The following SAMD12 variants were observed in gnomAD, a reference collection of about 807,000 sequenced individuals.
SAMD12 encodes sterile alpha motif domain-containing protein 12.
A neutral mutation model predicts 15.0 loss-of-function variants in SAMD12; 9 were observed. The observed-to-expected ratio is 0.60, with a 90% CI of 0.36 to 1.05. SAMD12 has a LOEUF of 1.05. SAMD12 is among the 50% of genes least tolerant of loss of function. The probability of loss-of-function intolerance (pLI) is 0.01; values close to 1 mark genes in which losing one functional copy is unlikely to be tolerated. For missense variants in SAMD12, 230 were observed against 234.2 expected, an observed-to-expected ratio of 0.98 and a Z score of 0.12; for synonymous variants, 86 against 90.1, an observed-to-expected ratio of 0.96 and a Z score of 0.25.
intron 4 of SAMD12, among the ~76,000 whole-genome samples, chr8:118,223,409 G>A (rs371888674): frequency 2.0e-5 from 3 of 152,304 alleles, no homozygotes; most frequent in South Asian, 4.1e-4. Flanking sequence ...GACTCACTGA[G>A]CAACCATGAG....
chr8:118,580,834 T>G lies in SAMD12; in HGVS notation c.73A>C (p.Lys25Gln). 6.2e-7 allele frequency: 1 copy of G among 1,613,364 alleles called. No homozygotes were observed. The highest frequency in any genetic ancestry group is 2.2e-5 in the East Asian group (1 of 44,854). ...IDHPAHAEGI[K>Q]LQIEGEGVES... is the part of the protein sequence containing the mutation. ...ACACCTTCACCTTCAATTTGCAGTT[T>G]AATACCTTCAGCATGGGCAGGGTGA... Residue 25 changes from lysine to glutamine, a missense_variant, in exon 2 of 4, where the codon AAA becomes CAA. Physicochemically the swap from Lys to Gln is moderately conservative, Grantham distance 53. Transcript: ENST00000314727.
At chr8:118,559,329 T>C (rs546711122) in intron 2 of SAMD12, among the ~76,000 whole-genome samples, 1 of 152,368 alleles carries the variant, frequency 6.6e-6, no homozygotes, top group African/African-American at 2.4e-5. Flanking sequence ...TGAGAGTTCC[T>C]ATTTTATGCA....
intron 1 of SAMD12, among the ~76,000 whole-genome samples, chr8:118,601,319 T>G (rs1563606264): frequency 6.6e-6 from 1 of 152,200 alleles, no homozygotes; most frequent in Non-Finnish European, 1.5e-5. Context: ...TATATTAAAT[T>G]AGGTTAAAAT....
chr8:118,278,446 A>G (rs1351558672), intron 4 of SAMD12, among the ~76,000 whole-genome samples: 8 of 152,220 alleles, frequency 5.3e-5, no homozygotes, highest in Admixed American at 5.2e-4. Flanking sequence ...CTGTAGCTGA[A>G]TGTGAATATT....
At chr8:118,175,563 G>A in the SAMD12 span, among the ~76,000 whole-genome samples, 3 of 152,166 alleles carry the variant, frequency 2.0e-5, no homozygotes, top group Admixed American at 6.5e-5. Flanking sequence ...GAGAACTTAC[G>A]GAATGGGAGA....
intron 2 of SAMD12, among the ~76,000 whole-genome samples, chr8:118,549,414 C>G (rs1255877566): frequency 2.0e-5 from 3 of 152,222 alleles, no homozygotes; most frequent in African/African-American, 7.2e-5. Flanking sequence ...GATAACCAGG[C>G]AAACAGGGTC....
rs1384379350 is a variant in SAMD12 at position 118,607,132 on chromosome 8, G to A, written c.13+14672C>T. On this transcript the variant is annotated intron_variant, in intron 1 of 3. Coordinates refer to ENST00000314727, the MANE Select transcript of SAMD12 (RefSeq NM_207506.3). The stretch of plus-strand genomic sequence containing the variant: ...CCTACCCTACCTGGAATTAGTTATT[G>A]CAAAATAAATGAATTCACAAGAAAT... Among the ~76,000 whole-genome samples the A allele has an allele frequency of 2.0e-5, 3 of 152,078 alleles. No individual in the cohort carries two copies. In the South Asian group the frequency reaches 6.2e-4, roughly 32 times the overall value.
At chr8:118,236,570 A>T (rs1298582367) in intron 4 of SAMD12, among the ~76,000 whole-genome samples, 1 of 152,218 alleles carries the variant, frequency 6.6e-6, no homozygotes, top group African/African-American at 2.4e-5. Flanking sequence ...TTATTACAGA[A>T]TTAGGAAAAA....
chr8:118,364,260 C>T (rs1307498296), intron 4 of SAMD12, among the ~76,000 whole-genome samples: 1 of 152,038 alleles, frequency 6.6e-6, no homozygotes, highest in Admixed American at 6.6e-5. Context: ...CCTAAGAAAA[C>T]TTATTTCATA....
intron 4 of SAMD12, among the ~76,000 whole-genome samples, chr8:118,349,789 C>T (rs930492737): frequency 6.6e-6 from 1 of 152,176 alleles, no homozygotes; most frequent in Non-Finnish European, 1.5e-5. Context: ...CTCAGAGACT[C>T]AGGCAGTACC....
intron 2 of SAMD12, among the ~76,000 whole-genome samples, chr8:118,488,342 T>C (rs1824345644): frequency 6.6e-6 from 1 of 152,158 alleles, no homozygotes; most frequent in African/African-American, 2.4e-5. Context: ...AACCACCATA[T>C]ACAATTTATT....
intron 2 of SAMD12, among the ~76,000 whole-genome samples, chr8:118,546,216 C>T (rs1791627568): frequency 6.6e-6 from 1 of 152,126 alleles, no homozygotes; most frequent in Non-Finnish European, 1.5e-5. Context: ...GGCAAGGCTC[C>T]TGGACCAATT....
chr8:118,491,047 A>G (rs1236773103), intron 2 of SAMD12, among the ~76,000 whole-genome samples: 1 of 152,172 alleles, frequency 6.6e-6, no homozygotes, highest in East Asian at 1.9e-4. Context: ...GGGGAAAAAT[A>G]TAAAGCCCTT....
intron 2 of SAMD12, among the ~76,000 whole-genome samples, chr8:118,568,937 T>TA (rs35330372): frequency 0.011 from 1,660 of 152,308 alleles, 31 homozygotes; most frequent in African/African-American, 0.037. Flanking sequence ...ATGCCAATTT[T>TA]AAAAAATTCT....
intron 2 of SAMD12, among the ~76,000 whole-genome samples, chr8:118,516,548 T>A (rs1161299518): frequency 6.6e-6 from 1 of 152,160 alleles, no homozygotes; most frequent in Non-Finnish European, 1.5e-5. Flanking sequence ...AGACTGTAAA[T>A]GTTGTTTCCA....
At chr8:118,483,404 A>G (rs552380969) in intron 2 of SAMD12, among the ~76,000 whole-genome samples, 1 of 152,338 alleles carries the variant, frequency 6.6e-6, no homozygotes, top group East Asian at 1.9e-4. Flanking sequence ...CACTTTCTAC[A>G]TTTATTGCCC....
rs533045493 is a variant in SAMD12 at position 118,229,854 on chromosome 8, G to A, written c.434-32122C>T. Among the ~76,000 whole-genome samples the A allele has an allele frequency of 5.3e-4, 80 of 152,172 alleles. 1 individual carries two copies. The highest frequency in any genetic ancestry group is 1.0e-3 in the Non-Finnish European group (70 of 68,022). On this transcript the variant is annotated intron_variant, in intron 4 of 4. Transcript: ENST00000409003. ...CCAGGGCCAGTAATGAGTGCCATCCGAAGTTCAGAGCTGGAGCCCAATTAT... is the reference window on the plus strand; with the variant it reads ...CCAGGGCCAGTAATGAGTGCCATCCAAAGTTCAGAGCTGGAGCCCAATTAT...
At chr8:118,527,449 T>G (rs1253185800) in intron 2 of SAMD12, among the ~76,000 whole-genome samples, 1 of 152,228 alleles carries the variant, frequency 6.6e-6, no homozygotes, top group Non-Finnish European at 1.5e-5. Flanking sequence ...TTAATTCTAG[T>G]ACTTTGTTTC....
At chr8:118,376,287 C>T (rs1819384930), downstream of SAMD12, among the ~76,000 whole-genome samples, 1 of 152,110 alleles carries the variant, frequency 6.6e-6, no homozygotes, top group Non-Finnish European at 1.5e-5. Context: ...TGTTATGTCT[C>T]CTCAAAATTT....
Sources: allele counts gnomAD v4.1 joint callset (sites outside exome capture counted in the v4.1 genomes callset), GRCh38; gene constraint gnomAD v4.1.1; transcripts MANE v1.5; gene names NCBI Gene and HGNC (gene_info 2026-07-23, HGNC 2026-07-21).